Variants in COG6 observed in about 807,000 individuals in gnomAD.
COG6 encodes the protein conserved oligomeric Golgi complex subunit 6.
Under a neutral mutation model 88.8 loss-of-function variants are expected in COG6, and 74 were observed. That is an observed-to-expected ratio of 0.83 (90% CI 0.69 to 1.01). COG6 has a LOEUF of 1.01. Ranked by LOEUF, COG6 falls within the 50% of genes least tolerant of loss-of-function variation. COG6 has a pLI of 0.00. For synonymous variants in COG6, 286 were observed against 278.7 expected (o/e 1.03, Z -0.26); for missense variants, 800 against 797.9 (o/e 1.00, Z -0.03).
intron 18 of COG6, among the ~76,000 whole-genome samples, chr13:39,746,484 T>C (rs2138138864): frequency 6.6e-6 from 1 of 152,134 alleles, no homozygotes. Flanking sequence ...GGGTGTTTAG[T>C]TGATAAGGAC....
chr13:39,701,191 G>A (rs1272561677), intron 13 of COG6, among the ~76,000 whole-genome samples: 1 of 151,744 alleles, frequency 6.6e-6, no homozygotes, highest in Non-Finnish European at 1.5e-5. Flanking sequence ...CTTGATGACT[G>A]AATGTGGGTT....
chr13:39,768,808 G>C (rs1254935305), intron 18 of COG6, among the ~76,000 whole-genome samples: 3 of 152,020 alleles, frequency 2.0e-5, no homozygotes. Context: ...TAACTGGAAT[G>C]TTTCAAATAC....
chr13:39,723,531 A>G (rs1176348370), intron 16 of COG6, 91 bp downstream of exon 16: 4 of 777,186 alleles, frequency 5.1e-6, no homozygotes, highest in Middle Eastern at 4.6e-4. Flanking sequence ...TGGCTCTACC[A>G]CATATTAGCT....
chr13:39,687,563 T>C lies in COG6; in HGVS notation c.849T>C (p.Asp283=). 6.2e-7 allele frequency: 1 copy of C among 1,613,490 alleles called. No individual in the cohort carries two copies. Among genetic ancestry groups the C allele is most frequent in the Non-Finnish European group, 8.5e-7 (1 of 1,179,668 alleles). ...RRSTVVRGFI[D]ALTRGGPGGT... Reference sequence around the variant, plus strand: ...GTACAGTTGTTCGTGGATTTATTGATGCGCTCACAAGAGGGGGCCCCGGAG... The same window carrying C: ...GTACAGTTGTTCGTGGATTTATTGACGCGCTCACAAGAGGGGGCCCCGGAG... Residue 283 remains aspartate (D), a synonymous_variant, in exon 9 of 19, where the codon GAT becomes GAC. Coordinates refer to ENST00000455146, the MANE Select transcript of COG6 (RefSeq NM_020751.3).
chr13:39,664,586 C>A (rs1593407535), intron 3 of COG6, among the ~76,000 whole-genome samples: 6 of 152,160 alleles, frequency 3.9e-5, no homozygotes, highest in African/African-American at 1.4e-4. Flanking sequence ...AGCCTTGTGT[C>A]CTTTAGATGG....
intron 17 of COG6, among the ~76,000 whole-genome samples, chr13:39,727,166 C>A (rs74044157): frequency 0.022 from 3,376 of 151,924 alleles, 128 homozygotes; most frequent in African/African-American, 0.077. Flanking sequence ...GACCTGAAAC[C>A]TGATGACTTT....
At position 39,699,521 on chromosome 13, in the gene COG6, C is replaced by T; in HGVS notation, c.1187C>T (p.Ala396Val). ...HTISGIVGNS[A>V]TALLTTIEEM... ...TTTAGTGGTATTGTTGGAAATAGTG[C>T]AACTGCATTATTGACTACCATTGAA... The change falls in exon 13 of 19, where the codon GCA becomes GTA. Residue 396 changes from alanine to valine, a missense_variant. By Grantham distance (64) the Ala-to-Val change is moderately conservative. Coordinates refer to ENST00000455146, the MANE Select transcript of COG6 (RefSeq NM_020751.3). 1 of 1,576,320 alleles carries T rather than the reference C, an allele frequency of 6.3e-7. No individual in the cohort carries two copies.
At chr13:39,777,922 A>G (rs1210058559) in intron 18 of COG6, among the ~76,000 whole-genome samples, 2 of 152,216 alleles carry the variant, frequency 1.3e-5, no homozygotes, top group East Asian at 3.8e-4. Context: ...GGAGAGAAAC[A>G]AGAACTACCC....
At chr13:39,738,548 G>A (rs1006103194) in intron 18 of COG6, among the ~76,000 whole-genome samples, 1 of 152,144 alleles carries the variant, frequency 6.6e-6, no homozygotes, top group African/African-American at 2.4e-5. Context: ...CTTAATTGCA[G>A]CCTAATAAGT....
rs796404384 is a variant in COG6 at position 39,684,847 on chromosome 13, G to A, written c.788+2583G>A. 1.1e-4 allele frequency among the ~76,000 whole-genome samples: 16 copies of A among 152,288 alleles called. 1 individual carries two copies. Among genetic ancestry groups the A allele is most frequent in the African/African-American group, 3.8e-4 (16 of 41,562 alleles). On this transcript the variant is annotated intron_variant, in intron 8 of 18. Coordinates refer to ENST00000455146, the MANE Select transcript of COG6 (RefSeq NM_020751.3). Reference sequence around the variant, plus strand: ...AATGTCAATTATTGAAATCCGTGGGGAAAGTTGCCATACTCAGTGTTTCTT... The same window carrying A: ...AATGTCAATTATTGAAATCCGTGGGAAAAGTTGCCATACTCAGTGTTTCTT...
chr13:39,748,799 A>G (rs1880472765), intron 18 of COG6, among the ~76,000 whole-genome samples: 1 of 152,104 alleles, frequency 6.6e-6, no homozygotes, highest in Non-Finnish European at 1.5e-5. Context: ...AGCTTTAGCA[A>G]TTTTTGGAAA....
chr13:39,742,165 A>G (rs1312779152), intron 18 of COG6, among the ~76,000 whole-genome samples: 1 of 152,216 alleles, frequency 6.6e-6, no homozygotes, highest in African/African-American at 2.4e-5. Flanking sequence ...AACTGTAAAG[A>G]CCATTGATGC....
chr13:39,784,822 AGT>A, intron 18 of COG6, among the ~76,000 whole-genome samples: 1 of 152,274 alleles, frequency 6.6e-6, no homozygotes, highest in East Asian at 1.9e-4. Flanking sequence ...GAGCTCCCAG[AGT>A]ATGGGTGCTG....
At chr13:39,762,664 A>G (rs1027383999) in intron 18 of COG6, among the ~76,000 whole-genome samples, 5 of 151,554 alleles carry the variant, frequency 3.3e-5, no homozygotes, top group Non-Finnish European at 7.4e-5. Context: ...TTGATTTTAT[A>G]TGTTGATTAT....
At chr13:39,709,593 T>C (rs943308025) in intron 13 of COG6, among the ~76,000 whole-genome samples, 10 of 152,192 alleles carry the variant, frequency 6.6e-5, no homozygotes, top group African/African-American at 2.2e-4. Context: ...TCCACTCATG[T>C]TGTTGCAAAA....
chr13:39,747,335 G>C (rs1880399820), intron 18 of COG6, among the ~76,000 whole-genome samples: 2 of 152,156 alleles, frequency 1.3e-5, no homozygotes, highest in South Asian at 4.1e-4. Context: ...GTTTGACTCA[G>C]ACTCGCTTCA....
rs1876872007 is a variant in COG6 at position 39,689,748 on chromosome 13, C to A, written c.1010-12C>A. 3.2e-6 allele frequency: 5 copies of A among 1,574,214 alleles called. No individual in the cohort carries two copies. The highest frequency in any genetic ancestry group is 4.4e-6 in the Non-Finnish European group (5 of 1,146,116). ...TGGAAACAAATATTAATTATGTAGT[C>A]ATTAATTTTAGGTGTTGAAGAAAAT... On this transcript the variant is annotated splice_polypyrimidine_tract_variant and intron_variant, in intron 10 of 18. Transcript: ENST00000455146.
intron 17 of COG6, 77 bp from the exon 18 acceptor site, chr13:39,727,392 A>G (rs1879187799): frequency 9.5e-7 from 1 of 1,056,022 alleles, no homozygotes; most frequent in Non-Finnish European, 1.5e-6. Flanking sequence ...TTTAATTCTT[A>G]AAAGAGATGT....
Position 39,759,718 on chromosome 13 carries a change from AG to A in COG6, c.1827-28616del, listed in dbSNP as rs571591995. ...AAACTAGCTGAGAAATGAATGTAAT[AG>A]TAATAATTAGATTAATAACAGCATA... On this transcript the variant is annotated intron_variant, in intron 18 of 18. Coordinates refer to the COG6 transcript ENST00000416691. Among the ~76,000 whole-genome samples the A allele has an allele frequency of 2.2e-3, 329 of 152,312 alleles. 1 individual carries two copies. The highest frequency in any genetic ancestry group is 7.7e-3 in the African/African-American group (318 of 41,568).
Sources: allele counts gnomAD v4.1 joint callset (sites outside exome capture counted in the v4.1 genomes callset), GRCh38; gene constraint gnomAD v4.1.1; transcripts MANE v1.5; gene names NCBI Gene and HGNC (gene_info 2026-07-23, HGNC 2026-07-21).